Variants in DAAM1 observed in about 807,000 individuals in gnomAD.
DAAM1 encodes the protein dishevelled associated activator of morphogenesis 1, also known as disheveled-associated activator of morphogenesis 1.
Under a neutral mutation model 130.0 loss-of-function variants are expected in DAAM1, and 52 were observed. The observed-to-expected ratio is 0.40, with a 90% CI of 0.32 to 0.50. The LOEUF (loss-of-function observed/expected upper bound fraction) is 0.50. DAAM1 is among the 20% of genes least tolerant of loss of function. The pLI is 0.61. For synonymous variants in DAAM1, 452 were observed against 444.5 expected (o/e 1.02, Z -0.21); for missense variants, 1,134 against 1,303.8 (o/e 0.87, Z 2.01).
chr14:59,214,511 C>T (rs969453662), intron 1 of DAAM1, among the ~76,000 whole-genome samples: 1 of 152,196 alleles, frequency 6.6e-6, no homozygotes, highest in Non-Finnish European at 1.5e-5. Flanking sequence ...GACAGATCGA[C>T]CTCAACCCTG....
At chr14:59,283,152 A>G (rs935625660) in intron 2 of DAAM1, among the ~76,000 whole-genome samples, 13 of 152,190 alleles carry the variant, frequency 8.5e-5, no homozygotes, top group Admixed American at 2.6e-4. Flanking sequence ...GCTGTAGTGA[A>G]GTAAAGGATG....
Position 59,345,016 on chromosome 14 carries a change from T to C in DAAM1, c.2076-2523T>C, listed in dbSNP as rs1886017082. 2.0e-5 allele frequency among the ~76,000 whole-genome samples: 3 copies of C among 152,146 alleles called. No homozygotes were observed. The South Asian group carries it at 6.2e-4, about 32-fold the overall frequency. The stretch of plus-strand genomic sequence containing the variant: ...ATAGATGTTTTCACAGCCAGTTGGT[T>C]TTCATTAGTGGCAGTTTCAGCCCTC... On this transcript the variant is annotated intron_variant, in intron 16 of 24. Coordinates refer to ENST00000360909, the MANE Select transcript of DAAM1 (RefSeq NM_001270520.2).
intron 16 of DAAM1, among the ~76,000 whole-genome samples, chr14:59,343,427 CA>C (rs1409604900): frequency 6.6e-6 from 1 of 152,160 alleles, no homozygotes; most frequent in Non-Finnish European, 1.5e-5. Flanking sequence ...GTTTCTATGT[CA>C]GCATTTCCTA....
At position 59,250,621 on chromosome 14, in the gene DAAM1, G is replaced by T. The variant is rs571031850; in HGVS notation, c.-37-12820G>T. Reference sequence around the variant, plus strand: ...TACTGTCACCTGCATCATGCACTCAGGAGAGTTCATTAGCCACTTGAAAAT... The same window carrying T: ...TACTGTCACCTGCATCATGCACTCATGAGAGTTCATTAGCCACTTGAAAAT... On this transcript the variant is annotated intron_variant, in intron 1 of 24. Transcript: ENST00000360909. Among the ~76,000 whole-genome samples, 17 of 152,262 alleles carry T rather than the reference G, an allele frequency of 1.1e-4. No individual in the cohort carries two copies. In the East Asian group the frequency reaches 3.1e-3, roughly 28 times the overall value.
intron 2 of DAAM1, among the ~76,000 whole-genome samples, chr14:59,288,125 A>G (rs1313485560): frequency 6.6e-6 from 1 of 152,222 alleles, no homozygotes. Context: ...CCACACACCT[A>G]CAACCACCTG....
At chr14:59,297,257 A>T (rs146545401) in intron 3 of DAAM1, among the ~76,000 whole-genome samples, 1 of 152,290 alleles carries the variant, frequency 6.6e-6, no homozygotes, top group African/African-American at 2.4e-5. Context: ...TGCCCTTGTT[A>T]TACTGGTTGA....
At chr14:59,312,468 A>G (rs1362800960) in intron 3 of DAAM1, among the ~76,000 whole-genome samples, 1 of 152,220 alleles carries the variant, frequency 6.6e-6, no homozygotes, top group Non-Finnish European at 1.5e-5. Flanking sequence ...TAAGGATTCA[A>G]ATGCTGTTGG....
At chr14:59,246,620 C>T (rs2139473065) in intron 1 of DAAM1, among the ~76,000 whole-genome samples, 1 of 152,260 alleles carries the variant, frequency 6.6e-6, no homozygotes, top group Non-Finnish European at 1.5e-5. Context: ...TTTTGAGAAA[C>T]CACCATACTG....
chr14:59,363,679 C>A lies in DAAM1; in HGVS notation c.2723C>A (p.Pro908Gln), dbSNP rs1444554804. 9 of 1,614,018 alleles carry A rather than the reference C, an allele frequency of 5.6e-6. No individual in the cohort carries two copies. Among genetic ancestry groups the A allele is most frequent in the East Asian group, 2.2e-5 (1 of 44,890 alleles). Residue 908 changes from proline (P) to glutamine (Q), a missense_variant, in exon 23 of 25, where the codon CCA becomes CAA. By Grantham distance (76) the Pro-to-Gln change is moderately conservative (BLOSUM62 -1). Coordinates refer to ENST00000360909, the MANE Select transcript of DAAM1 (RefSeq NM_001270520.2). ...TELEYQKSQP[P>Q]QPGDKFVSVV... ...CTGGAATATCAGAAGTCTCAGCCCC[C>A]ACAGCCCGGAGATAAGTTTGTGTCT...
At chr14:59,354,164 C>A (rs1340982285) in intron 19 of DAAM1, among the ~76,000 whole-genome samples, 200 bp downstream of exon 19, 1 of 151,822 alleles carries the variant, frequency 6.6e-6, no homozygotes, top group Non-Finnish European at 1.5e-5. Flanking sequence ...AGGTTCATGC[C>A]ATTCTCCTGC....
intron 18 of DAAM1, among the ~76,000 whole-genome samples, chr14:59,353,397 G>A (rs114477880): frequency 8.5e-4 from 130 of 152,304 alleles, no homozygotes; most frequent in South Asian, 3.7e-3. Context: ...TGTGGGAAGC[G>A]GATGTTGGAG....
chr14:59,286,830 A>AATC (rs1883480641), intron 2 of DAAM1, among the ~76,000 whole-genome samples: 2 of 152,180 alleles, frequency 1.3e-5, no homozygotes, highest in African/African-American at 4.8e-5. Context: ...TGGACTAGAT[A>AATC]GATTCACAGC....
chr14:59,195,068 A>G (rs1044494619), intron 1 of DAAM1, among the ~76,000 whole-genome samples: 4 of 152,190 alleles, frequency 2.6e-5, no homozygotes, highest in Non-Finnish European at 5.9e-5. Flanking sequence ...TAGGCTACAC[A>G]ATCATAAAAT....
chr14:59,197,042 T>C (rs1326616384), intron 1 of DAAM1, among the ~76,000 whole-genome samples: 1 of 152,052 alleles, frequency 6.6e-6, no homozygotes, highest in Non-Finnish European at 1.5e-5. Flanking sequence ...TGCCTCGGCC[T>C]CCCGGGTAGC....
At chr14:59,359,260 T>C (rs1886610537) in intron 20 of DAAM1, 137 bp from the exon 21 acceptor site, 4 of 646,170 alleles carry the variant, frequency 6.2e-6, no homozygotes, top group Non-Finnish European at 1.0e-5. Context: ...TTGAAGTTAA[T>C]GCAGGTAATA....
At chr14:59,191,563 A>G (rs1359483024) in intron 1 of DAAM1, among the ~76,000 whole-genome samples, 2 of 152,192 alleles carry the variant, frequency 1.3e-5, no homozygotes, top group Admixed American at 1.3e-4. Context: ...TCATTTCATC[A>G]TAAACCAAAA....
At chr14:59,321,148 C>T (rs529171042) in intron 5 of DAAM1, among the ~76,000 whole-genome samples, 1 of 152,116 alleles carries the variant, frequency 6.6e-6, no homozygotes. Context: ...GAATGAAGTA[C>T]TGATACATGC....
intron 23 of DAAM1, among the ~76,000 whole-genome samples, chr14:59,367,092 AG>A (rs1886946741): frequency 6.6e-6 from 1 of 152,092 alleles, no homozygotes; most frequent in African/African-American, 2.4e-5. Flanking sequence ...AGTTGAGACC[AG>A]CCCGGCCAAC....
chr14:59,317,382 A>T (rs1267277037), intron 4 of DAAM1, among the ~76,000 whole-genome samples: 1 of 152,128 alleles, frequency 6.6e-6, no homozygotes, highest in African/African-American at 2.4e-5. Context: ...CAACATTCTG[A>T]TTGCCACCAC....
Sources: gnomAD v4.1 joint callset for allele counts (sites outside exome capture counted in the v4.1 genomes callset) on GRCh38, gnomAD v4.1.1 for gene constraint, MANE v1.5 for transcripts, NCBI Gene and HGNC (gene_info 2026-07-23, HGNC 2026-07-21) for gene names.